BMPER: variants seen among roughly 807,000 people sequenced by gnomAD.
BMPER encodes the protein BMP-binding endothelial regulator protein.
BMPER carries 45 observed loss-of-function variants against 87.3 expected under a neutral mutation model. The ratio of observed to expected loss-of-function variants is 0.52; its 90% confidence interval spans 0.41 to 0.66. The LOEUF (loss-of-function observed/expected upper bound fraction) is 0.66. Among genes scored for constraint, BMPER ranks in the 30% least tolerant of loss-of-function variants. The pLI is 0.00. For synonymous variants in BMPER, 326 were observed against 316.2 expected (o/e 1.03, Z -0.33); for missense variants, 784 against 867.5 (o/e 0.90, Z 1.21).
rs376472752 is a variant in BMPER, at chr7:33,945,184, G to A, written c.319+7796G>A. Reference sequence around the variant, plus strand: ...TCTCGATCTCCTGACCTCGTGATCCGCCCGCCTTGGCCTCCCAAAGTGCTG... The same window carrying A: ...TCTCGATCTCCTGACCTCGTGATCCACCCGCCTTGGCCTCCCAAAGTGCTG... On this transcript the variant is annotated intron_variant, in intron 3 of 14. Coordinates refer to ENST00000649409, the MANE Select transcript of BMPER (RefSeq NM_001365308.1). 3.3e-4 allele frequency among the ~76,000 whole-genome samples: 49 copies of A among 150,390 alleles called. 1 individual carries two copies. The highest frequency in any genetic ancestry group is 1.0e-3 in the African/African-American group (41 of 40,898).
intron 13 of BMPER, 94 bp from the exon 14 acceptor site, chr7:34,143,136 G>A: frequency 6.4e-7 from 1 of 1,572,886 alleles, no homozygotes; most frequent in South Asian, 1.1e-5. Flanking sequence ...GGGCCAATCA[G>A]GTTTTCCCAT....
chr7:33,989,529 G>A (rs1339715613), intron 6 of BMPER, among the ~76,000 whole-genome samples: 1 of 152,182 alleles, frequency 6.6e-6, no homozygotes, highest in Non-Finnish European at 1.5e-5. Flanking sequence ...TTTGTCAGAT[G>A]AGTAGGTTGC....
At chr7:33,971,666 C>G (rs1032771319) in intron 5 of BMPER, among the ~76,000 whole-genome samples, 1 of 152,066 alleles carries the variant, frequency 6.6e-6, no homozygotes, top group African/African-American at 2.4e-5. Context: ...GGCTGCACAC[C>G]AGAGTCACCT....
intron 8 of BMPER, among the ~76,000 whole-genome samples, chr7:34,054,098 T>G (rs1448605930): frequency 6.6e-6 from 1 of 152,230 alleles, no homozygotes; most frequent in Non-Finnish European, 1.5e-5. Flanking sequence ...CCTTTGCTAG[T>G]TCTGTTTACC....
intron 6 of BMPER, among the ~76,000 whole-genome samples, chr7:34,045,872 G>A (rs1040089236): frequency 7.9e-5 from 12 of 152,136 alleles, no homozygotes; most frequent in African/African-American, 1.2e-4. Context: ...ATGCCAAAGC[G>A]TTCCTTTGCT....
At chr7:33,969,621 G>C (rs929172481) in intron 4 of BMPER, among the ~76,000 whole-genome samples, 1 of 152,124 alleles carries the variant, frequency 6.6e-6, no homozygotes, top group African/African-American at 2.4e-5. Flanking sequence ...GGATGGTCTC[G>C]ATCTCCTGAC....
intron 6 of BMPER, among the ~76,000 whole-genome samples, chr7:33,998,456 A>C (rs995751129): frequency 6.6e-6 from 1 of 152,042 alleles, no homozygotes; most frequent in Non-Finnish European, 1.5e-5. Flanking sequence ...GTCAGAGCAG[A>C]CTCTAATTTG....
intron 13 of BMPER, among the ~76,000 whole-genome samples, chr7:34,138,584 G>A (rs900377092): frequency 4.0e-4 from 61 of 152,226 alleles, no homozygotes; most frequent in Non-Finnish European, 1.8e-4. Flanking sequence ...GATGCCAGGA[G>A]TGGGGCAGAT....
At chr7:33,959,478 G>A (rs1239429750) in intron 3 of BMPER, among the ~76,000 whole-genome samples, 1 of 152,056 alleles carries the variant, frequency 6.6e-6, no homozygotes, top group Non-Finnish European at 1.5e-5. Context: ...TTCTTTGCCT[G>A]TTGAGAGGCA....
chr7:34,106,992 C>T (rs187207728), intron 13 of BMPER, among the ~76,000 whole-genome samples: 91 of 152,272 alleles, frequency 6.0e-4, no homozygotes, highest in African/African-American at 2.0e-3. Flanking sequence ...TTCTGAACTC[C>T]TACGTGAGTT....
chr7:34,042,089 A>G (rs1261650636), intron 6 of BMPER, among the ~76,000 whole-genome samples: 1 of 152,166 alleles, frequency 6.6e-6, no homozygotes, highest in African/African-American at 2.4e-5. Flanking sequence ...GGTTTTTATT[A>G]TGCCACAAAC....
chr7:33,996,275 A>G (rs997828281), intron 6 of BMPER, among the ~76,000 whole-genome samples: 1 of 152,158 alleles, frequency 6.6e-6, no homozygotes. Context: ...TCATGGAATA[A>G]TACATGCTGT....
At chr7:33,988,663 G>C (rs1434076576) in intron 6 of BMPER, among the ~76,000 whole-genome samples, 1 of 151,562 alleles carries the variant, frequency 6.6e-6, no homozygotes, top group Non-Finnish European at 1.5e-5. Flanking sequence ...CGTGCACATT[G>C]TGCAGGTTAG....
At position 33,959,018 on chromosome 7, in the gene BMPER, C is replaced by T. The variant is rs547658266; in HGVS notation, c.320-7461C>T. On this transcript the variant is annotated intron_variant, in intron 3 of 14. Coordinates refer to ENST00000649409, the MANE Select transcript of BMPER (RefSeq NM_001365308.1). Reference sequence around the variant, plus strand: ...GAGTTCCCCTGGACACGCTCTCTCTCCTGCCGCCATGTGAGAAGTCCTTTT... The same window carrying T: ...GAGTTCCCCTGGACACGCTCTCTCTTCTGCCGCCATGTGAGAAGTCCTTTT... 7.9e-5 allele frequency among the ~76,000 whole-genome samples: 12 copies of T among 152,310 alleles called. No individual in the cohort carries two copies. The South Asian group carries it at 2.1e-3, about 26-fold the overall frequency.
chr7:34,099,109 A>G lies in BMPER; in HGVS notation c.1745+13017A>G, dbSNP rs769785614. Among the ~76,000 whole-genome samples, 101 of 152,180 alleles carry G rather than the reference A, an allele frequency of 6.6e-4. 1 individual carries two copies. Among genetic ancestry groups the G allele is most frequent in the Middle Eastern group, 3.4e-3 (1 of 294 alleles). ...TAAGAGCTTACACTTTTGAGTGCTC[A>G]CTATGTGCCTGGCAGCAGCTAAGGG... On this transcript the variant is annotated intron_variant, in intron 13 of 14. Transcript: ENST00000649409.
intron 6 of BMPER, among the ~76,000 whole-genome samples, chr7:34,025,247 A>G (rs1424911416): frequency 6.6e-6 from 1 of 152,086 alleles, no homozygotes; most frequent in Non-Finnish European, 1.5e-5. Context: ...ATTTTAAATG[A>G]TATCTGAATT....
At chr7:34,014,014 C>A (rs1786956188) in intron 6 of BMPER, among the ~76,000 whole-genome samples, 1 of 151,980 alleles carries the variant, frequency 6.6e-6, no homozygotes. Context: ...TCTTTCATTG[C>A]CTCTTCTCTG....
intron 6 of BMPER, among the ~76,000 whole-genome samples, chr7:34,010,814 G>A (rs908790155): frequency 3.3e-4 from 50 of 151,962 alleles, no homozygotes; most frequent in African/African-American, 1.2e-3. Context: ...TAATTGTCAT[G>A]TCCTTGTTAA....
chr7:34,041,436 A>G (rs1046862534), intron 6 of BMPER, among the ~76,000 whole-genome samples: 1 of 152,044 alleles, frequency 6.6e-6, no homozygotes, highest in Non-Finnish European at 1.5e-5. Flanking sequence ...TTTGATTTGT[A>G]GATTAGACTA....
Sources: gnomAD v4.1 joint callset for allele counts (sites outside exome capture counted in the v4.1 genomes callset) on GRCh38, gnomAD v4.1.1 for gene constraint, MANE v1.5 for transcripts, NCBI Gene and HGNC (gene_info 2026-07-23, HGNC 2026-07-21) for gene names.